Variants in SIN3B observed in about 807,000 individuals in gnomAD.
SIN3B encodes the protein paired amphipathic helix protein Sin3b.
SIN3B carries 19 observed loss-of-function variants against 120.2 expected under a neutral mutation model. The ratio of observed to expected loss-of-function variants is 0.16; its 90% CI spans 0.11 to 0.23. The LOEUF (loss-of-function observed/expected upper bound fraction) is 0.23, where lower values mean the gene tolerates loss of function less well. Ranked by LOEUF, SIN3B falls within the 10% of genes least tolerant of loss-of-function variation. The pLI, the probability that SIN3B is intolerant of heterozygous loss-of-function variation, is 1.00. For synonymous variants in SIN3B, 654 were observed against 653.2 expected (o/e 1.00, Z -0.02); for missense variants, 1,073 against 1,573.0 (o/e 0.68, Z 5.38).
At chr19:16,861,077 T>C (rs948938454) in intron 8 of SIN3B, among the ~76,000 whole-genome samples, 14 of 152,228 alleles carry the variant, frequency 9.2e-5, no homozygotes, top group Admixed American at 3.9e-4. Flanking sequence ...CCAGGTGGCA[T>C]TGTAGGGTCA....
chr19:16,865,805 T>C (rs1971764106), intron 11 of SIN3B, among the ~76,000 whole-genome samples, 157 bp downstream of exon 11: 1 of 150,460 alleles, frequency 6.6e-6, no homozygotes, highest in East Asian at 2.0e-4. Flanking sequence ...GGCCTAAGGG[T>C]GCCTTCCTGT....
rs753601502 is a variant in SIN3B, at chr19:16,851,390, C to T, written c.727-22C>T. The T allele has an allele frequency of 1.6e-5, 25 of 1,569,098 alleles. No individual in the cohort carries two copies. The South Asian group carries it at 2.8e-4, about 18-fold the overall frequency. Reference sequence around the variant, plus strand: ...GTCCAGCCACGTCTCCGGTGCTGACCACCTCCCACATGTGTCCTTAGTTCA... The same window carrying T: ...GTCCAGCCACGTCTCCGGTGCTGACTACCTCCCACATGTGTCCTTAGTTCA... On this transcript the variant is annotated intron_variant, in intron 5 of 18. Transcript: ENST00000248054.
rs759303069 is a variant in SIN3B, at chr19:16,862,565, G to A, written c.1266+6G>A. The A allele has an allele frequency of 1.7e-5, 27 of 1,609,250 alleles. No individual in the cohort carries two copies. The highest frequency in any genetic ancestry group is 2.0e-5 in the Non-Finnish European group (23 of 1,178,510). The stretch of plus-strand genomic sequence containing the variant: ...GGACAGCCATCTGCAAGGAGGTAGC[G>A]CTCCCTGGGGCTCAAATGTTCGTTG... On this transcript the variant is annotated splice_donor_region_variant and intron_variant, in intron 9 of 18. Transcript: ENST00000248054. This position sits in a 1 kb window ranked among gnomAD's most constrained non-coding sequence, Gnocchi z 4.7.
intron 9 of SIN3B, 106 bp from the exon 10 acceptor site, chr19:16,863,574 T>C (rs1340679031): frequency 2.6e-6 from 2 of 755,434 alleles, no homozygotes; most frequent in East Asian, 5.0e-5. Flanking sequence ...GTTGGTATTA[T>C]GTATCAGGAT....
intron 3 of SIN3B, 47 bp from the exon 4 acceptor site, chr19:16,841,721 C>CT: frequency 3.2e-6 from 5 of 1,559,214 alleles, no homozygotes; most frequent in Non-Finnish European, 4.4e-6. Flanking sequence ...TTTTCACAAT[C>CT]TGTTTCCAGT....
At chr19:16,860,132 A>T (rs1169726492) in intron 8 of SIN3B, among the ~76,000 whole-genome samples, 1 of 152,138 alleles carries the variant, frequency 6.6e-6, no homozygotes, top group African/African-American at 2.4e-5. Context: ...AAGGGTCTGT[A>T]TGGAGCAAGG....
intron 6 of SIN3B, 111 bp from the exon 7 acceptor site, chr19:16,852,958 C>A: frequency 1.2e-6 from 1 of 801,884 alleles, no homozygotes. Context: ...CATCTCATGG[C>A]AGTTCCCAAA....
In SIN3B at chr19:16,856,851, C is replaced by T. The variant is rs181466615; in HGVS notation, c.1058+2590C>T. 1.7e-3 allele frequency among the ~76,000 whole-genome samples: 258 copies of T among 152,166 alleles called. 2 individuals are homozygous for T. The highest frequency in any genetic ancestry group is 3.3e-3 in the Admixed American group (51 of 15,272). ...TCTCCCAACGTGCTGAGATTATGGG[C>T]GTGAGCCACCATGCCTGGCCATGAT... On this transcript the variant is annotated intron_variant, in intron 8 of 18. Coordinates refer to ENST00000248054, the MANE Select transcript of SIN3B (RefSeq NM_001297595.2).
intron 4 of SIN3B, among the ~76,000 whole-genome samples, chr19:16,844,572 A>G (rs958623973): frequency 3.3e-5 from 5 of 152,190 alleles, no homozygotes; most frequent in East Asian, 3.9e-4. Context: ...CTGCCCTAAC[A>G]TAAGTGGGAC....
chr19:16,851,942 G>A (rs1475587717), intron 6 of SIN3B, among the ~76,000 whole-genome samples: 2 of 152,138 alleles, frequency 1.3e-5, no homozygotes, highest in Non-Finnish European at 2.9e-5. Context: ...CTGCAATGGT[G>A]GTTTTCCGAT....
chr19:16,858,217 C>T (rs1425872563), intron 8 of SIN3B, among the ~76,000 whole-genome samples: 4 of 152,184 alleles, frequency 2.6e-5, no homozygotes, highest in Non-Finnish European at 4.4e-5. Flanking sequence ...AGTCTCCTTT[C>T]ACCTCTGATT....
rs1227415391 is a variant in SIN3B, at chr19:16,829,489, C to T, written c.69C>T (p.Gly23=). Residue 23 remains glycine, a synonymous_variant, in exon 1 of 19, where the codon GGC becomes GGT. Transcript: ENST00000248054. ...GCCCCGCGGGCCGGGGGCTGAGCGG[C>T]GCCCGCTGGGGTCGCTCGGGCTCCG... ...AGGPAGRGLS[G]ARWGRSGSAG... The T allele has an allele frequency of 4.9e-6, 6 of 1,221,412 alleles. No individual in the cohort carries two copies. The highest frequency in any genetic ancestry group is 1.0e-6 in the Non-Finnish European group (1 of 981,112). The allele number at this position is 1,221,412 out of a possible 1,614,324, so 75.7% of individuals were successfully genotyped here. A position where few individuals can be genotyped will look rare whatever the true frequency, so the allele number is the denominator to read the frequency against.
At position 16,831,576 on chromosome 19, in the gene SIN3B, C is replaced by G; in HGVS notation, c.310C>G (p.Leu104Val). The G allele has an allele frequency of 6.2e-7, 1 of 1,614,044 alleles. No homozygotes were observed. Among genetic ancestry groups the G allele is most frequent in the Non-Finnish European group, 8.5e-7 (1 of 1,179,948 alleles). Residue 104 changes from leucine (L) to valine (V), a missense_variant, in exon 3 of 19, where the codon CTT becomes GTT. By Grantham distance (32) the Leu-to-Val change is conservative (BLOSUM62 1). Around this residue, in one of 7 missense-constraint regions of SIN3B, gnomAD observed 395 missense variants for 528.0 expected, o/e 0.75. Transcript: ENST00000248054. ...CCTCATTGTTGGATTCAACGCTTTT[C>G]TTCCCCTCGGATATAGAATAGACAT... The part of the protein sequence containing the change: ...PDLIVGFNAF[L>V]PLGYRIDIPK...
chr19:16,849,558 G>A (rs989949377), intron 5 of SIN3B, among the ~76,000 whole-genome samples: 6 of 152,190 alleles, frequency 3.9e-5, no homozygotes, highest in African/African-American at 1.4e-4. Context: ...GTGTTAATTT[G>A]CCATTCCCTA....
intron 4 of SIN3B, among the ~76,000 whole-genome samples, chr19:16,845,647 A>G (rs962460065): frequency 6.6e-6 from 1 of 152,234 alleles, no homozygotes; most frequent in Non-Finnish European, 1.5e-5. Context: ...CTGTGTAGTC[A>G]GATGAGCAGA....
chr19:16,863,833 G>A, intron 10 of SIN3B, 37 bp downstream of exon 10: 2 of 1,466,404 alleles, frequency 1.4e-6, no homozygotes, highest in Non-Finnish European at 1.9e-6. Flanking sequence ...CCCGGCATGT[G>A]CCTGTTCCCC....
Position 16,869,376 on chromosome 19 carries a change from G to T in SIN3B, c.1807-84G>T, listed in dbSNP as rs1239203353. 8.8e-5 allele frequency: 130 copies of T among 1,474,280 alleles called. 1 individual carries two copies. The highest frequency in any genetic ancestry group is 1.1e-4 in the Non-Finnish European group (121 of 1,106,674). 91.3% of individuals were successfully genotyped at this position (1,474,280 alleles called of 1,614,324 possible). On this transcript the variant is annotated intron_variant, in intron 12 of 18. Transcript: ENST00000248054. ...AGCGCTCATCCACCTTGGTGGCCCA[G>T]TTAACAGCGAGTCGTGAATGGGCAC...
At chr19:16,840,213 TG>T (rs1971399847) in intron 3 of SIN3B, among the ~76,000 whole-genome samples, 2 of 152,086 alleles carry the variant, frequency 1.3e-5, no homozygotes, top group Non-Finnish European at 2.9e-5. Context: ...AGAACGTGAC[TG>T]TATTTGGAGA....
chr19:16,863,058 C>T (rs765522937), intron 9 of SIN3B: 1 of 1,039,712 alleles, frequency 9.6e-7, no homozygotes, highest in Non-Finnish European at 1.5e-6. Flanking sequence ...CAGACACAAC[C>T]ATTCCTTTAC....
Sources: allele counts gnomAD v4.1 joint callset (sites outside exome capture counted in the v4.1 genomes callset), GRCh38; gene constraint gnomAD v4.1.1; regional missense constraint gnomAD v4.1.1; non-coding constraint Gnocchi (gnomAD v3.1); transcripts MANE v1.5; gene names NCBI Gene and HGNC (gene_info 2026-07-23, HGNC 2026-07-21).